The following SHISA9 variants were observed in gnomAD, a reference collection of about 807,000 sequenced individuals.
The protein encoded by SHISA9 is shisa family member 9.
In SHISA9, 13 loss-of-function variants were observed where a neutral mutation model predicts 38.0. The ratio of observed to expected loss-of-function variants is 0.34; its 90% CI spans 0.22 to 0.54. The LOEUF is 0.54. Ranked by LOEUF, SHISA9 falls within the 20% of genes least tolerant of loss-of-function variation. The probability of loss-of-function intolerance (pLI) is 0.91; values close to 1 mark genes in which losing one functional copy is unlikely to be tolerated. For synonymous variants in SHISA9, 275 were observed against 242.0 expected, an observed-to-expected ratio of 1.14 and a Z score of -1.27; for missense variants, 538 against 575.8, an observed-to-expected ratio of 0.93 and a Z score of 0.67.
At chr16:13,443,701 G>T in the SHISA9 span, among the ~76,000 whole-genome samples, 1 of 152,138 alleles carries the variant, frequency 6.6e-6, no homozygotes, top group East Asian at 1.9e-4. Flanking sequence ...TTATTGCCTT[G>T]TTCTGCGACT....
chr16:13,523,766 C>T, the SHISA9 span, among the ~76,000 whole-genome samples: 1 of 152,184 alleles, frequency 6.6e-6, no homozygotes, highest in South Asian at 2.1e-4. Flanking sequence ...CCACCAGGAC[C>T]CACCTCCAAC....
chr16:13,448,856 A>G, the SHISA9 span, among the ~76,000 whole-genome samples: 1 of 152,198 alleles, frequency 6.6e-6, no homozygotes, highest in African/African-American at 2.4e-5. Context: ...CCCTTTGTGT[A>G]TCCAGGTGAT....
At chr16:13,353,620 A>G in the SHISA9 span, among the ~76,000 whole-genome samples, 1 of 152,064 alleles carries the variant, frequency 6.6e-6, no homozygotes, top group African/African-American at 2.4e-5. Context: ...GGTGTCTGGA[A>G]TGAGACTGGG....
intron 2 of SHISA9, among the ~76,000 whole-genome samples, chr16:12,969,490 T>C (rs776938029): frequency 1.2e-4 from 18 of 151,978 alleles, no homozygotes; most frequent in South Asian, 4.1e-4. Flanking sequence ...ACACCTGTAA[T>C]CCCAGGACTT....
chr16:13,244,863 C>G (rs528371542), downstream of SHISA9, among the ~76,000 whole-genome samples: 5 of 152,348 alleles, frequency 3.3e-5, no homozygotes, highest in African/African-American at 1.2e-4. Flanking sequence ...TGTGATTCTA[C>G]TGTTGACAAA....
chr16:13,159,055 T>C (rs2050572673), intron 2 of SHISA9, among the ~76,000 whole-genome samples: 1 of 104,478 alleles, frequency 9.6e-6, no homozygotes, highest in South Asian at 3.1e-4. Flanking sequence ...CGAGACTCTG[T>C]CTCAAAAAAA....
the SHISA9 span, among the ~76,000 whole-genome samples, chr16:13,322,139 T>C: frequency 1.9e-4 from 29 of 152,242 alleles, no homozygotes; most frequent in African/African-American, 6.8e-4. Flanking sequence ...ATCTCTATTT[T>C]ACAAATACAG....
intron 2 of SHISA9, among the ~76,000 whole-genome samples, chr16:12,996,628 C>G (rs1459683184): frequency 1.3e-5 from 2 of 152,144 alleles, no homozygotes; most frequent in Non-Finnish European, 2.9e-5. Flanking sequence ...CTTGCTGGCT[C>G]CGCTGGATCA....
chr16:12,957,742 G>A (rs553552824), intron 2 of SHISA9, among the ~76,000 whole-genome samples: 59 of 152,020 alleles, frequency 3.9e-4, no homozygotes, highest in Non-Finnish European at 8.5e-4. Flanking sequence ...GTATTTTTTT[G>A]TTTTCTTCTC....
chr16:12,924,335 G>A (rs2071367582), intron 2 of SHISA9, among the ~76,000 whole-genome samples: 1 of 152,152 alleles, frequency 6.6e-6, no homozygotes, highest in Non-Finnish European at 1.5e-5. Flanking sequence ...TCAATAAATA[G>A]TTATTGAATG....
chr16:13,358,883 A>G, the SHISA9 span, among the ~76,000 whole-genome samples: 9 of 152,232 alleles, frequency 5.9e-5, no homozygotes, highest in Non-Finnish European at 1.2e-4. Flanking sequence ...AAATAGTGTT[A>G]GAAGGACCTG....
chr16:13,009,766 G>A (rs1215331322), intron 2 of SHISA9, among the ~76,000 whole-genome samples: 2 of 152,226 alleles, frequency 1.3e-5, no homozygotes, highest in African/African-American at 4.8e-5. Flanking sequence ...GAAAGGCCCA[G>A]ATGCGGGATG....
intron 2 of SHISA9, among the ~76,000 whole-genome samples, chr16:12,934,075 T>C (rs910158005): frequency 6.6e-6 from 1 of 152,080 alleles, no homozygotes; most frequent in African/African-American, 2.4e-5. Context: ...CCGCAGGATG[T>C]GCAAAGGCCC....
the SHISA9 span, among the ~76,000 whole-genome samples, chr16:13,251,150 A>G: frequency 2.0e-5 from 3 of 152,180 alleles, no homozygotes; most frequent in African/African-American, 7.2e-5. Flanking sequence ...GAGAGGCTCC[A>G]CAAGAATCAA....
rs564325301 is a variant in SHISA9 at position 12,966,554 on chromosome 16, A to G, written c.691+49739A>G. 2.7e-3 allele frequency among the ~76,000 whole-genome samples: 407 copies of G among 152,250 alleles called. 2 individuals are homozygous for G. The highest frequency in any genetic ancestry group is 9.0e-3 in the African/African-American group (375 of 41,554). On this transcript the variant is annotated intron_variant, in intron 2 of 4. Coordinates refer to ENST00000558583, the MANE Select transcript of SHISA9 (RefSeq NM_001145204.3). Reference sequence around the variant, plus strand: ...ACAGGTGTGAGCCACTGTGCCCAGCAGTGCTTTATAATCTTTATAACAATT... The same window carrying G: ...ACAGGTGTGAGCCACTGTGCCCAGCGGTGCTTTATAATCTTTATAACAATT...
chr16:13,068,011 C>A (rs145839918), intron 2 of SHISA9, among the ~76,000 whole-genome samples: 1 of 152,194 alleles, frequency 6.6e-6, no homozygotes, highest in East Asian at 1.9e-4. Context: ...AGTCAGTTTC[C>A]GGCTGGCTGG....
Position 13,133,951 on chromosome 16 carries a change from A to C in SHISA9, c.692-69443A>C, listed in dbSNP as rs185802080. Among the ~76,000 whole-genome samples, 466 of 152,308 alleles carry C rather than the reference A, an allele frequency of 3.1e-3. 2 individuals carry two copies. Among genetic ancestry groups the C allele is most frequent in the Non-Finnish European group, 5.2e-3 (354 of 68,016 alleles). On this transcript the variant is annotated intron_variant, in intron 2 of 4. Coordinates refer to ENST00000558583, the MANE Select transcript of SHISA9 (RefSeq NM_001145204.3). ...ATATAAAGCAGATAAAATCTTAGTG[A>C]TTCTATTAGTGTTTAAAAATTTCCT...
chr16:12,909,179 C>A, intron 1 of SHISA9: 1 of 985,796 alleles, frequency 1.0e-6, no homozygotes, highest in Non-Finnish European at 1.2e-6. Flanking sequence ...ATGTTGACTT[C>A]TCTTTGGGCA....
the SHISA9 span, among the ~76,000 whole-genome samples, chr16:13,562,109 T>G: frequency 1.2e-4 from 19 of 152,324 alleles, no homozygotes; most frequent in African/African-American, 3.8e-4. Flanking sequence ...TCTTGCATCT[T>G]TCTGACATGA....
Sources: gnomAD v4.1 joint callset for allele counts (sites outside exome capture counted in the v4.1 genomes callset) on GRCh38, gnomAD v4.1.1 for gene constraint, MANE v1.5 for transcripts, NCBI Gene and HGNC (gene_info 2026-07-23, HGNC 2026-07-21) for gene names.